Variants in EPHA6 observed in about 807,000 individuals in gnomAD.
EPHA6 encodes the protein ephrin type-A receptor 6.
EPHA6 carries 50 observed loss-of-function variants against 112.0 expected under a neutral mutation model. The ratio of observed to expected loss-of-function variants is 0.45; its 90% CI spans 0.36 to 0.56. EPHA6 has a LOEUF of 0.56. EPHA6 is among the 20% of genes least tolerant of loss of function. EPHA6 has a pLI of 0.00. For missense variants in EPHA6, 1,280 were observed against 1,417.4 expected, an observed-to-expected ratio of 0.90 and a Z score of 1.56; for synonymous variants, 529 against 490.7, an observed-to-expected ratio of 1.08 and a Z score of -1.03.
At chr3:97,327,178 A>G (rs1307179080) in intron 5 of EPHA6, among the ~76,000 whole-genome samples, 1 of 152,108 alleles carries the variant, frequency 6.6e-6, no homozygotes, top group Non-Finnish European at 1.5e-5. Context: ...AAATTACATT[A>G]TGAAATATAA....
intron 3 of EPHA6, among the ~76,000 whole-genome samples, chr3:97,119,414 G>T (rs2047981511): frequency 6.6e-6 from 1 of 151,986 alleles, no homozygotes; most frequent in African/African-American, 2.4e-5. Flanking sequence ...CTGGGCGCAG[G>T]TTGGTCAGGT....
chr3:97,034,595 A>G (rs2045011680), intron 3 of EPHA6, among the ~76,000 whole-genome samples: 1 of 151,748 alleles, frequency 6.6e-6, no homozygotes, highest in African/African-American at 2.4e-5. Context: ...AACATCAAGA[A>G]CTCAGTTGTG....
chr3:97,287,798 G>A (rs2080525949), intron 5 of EPHA6, among the ~76,000 whole-genome samples: 1 of 152,096 alleles, frequency 6.6e-6, no homozygotes. Context: ...ATGGGCTGTT[G>A]GATTCAGTTT....
intron 11 of EPHA6, among the ~76,000 whole-genome samples, chr3:97,588,865 A>G (rs1415967645): frequency 6.6e-6 from 1 of 152,128 alleles, no homozygotes; most frequent in African/African-American, 2.4e-5. Flanking sequence ...ACATGTGAAA[A>G]TTTCTTTCCT....
chr3:96,966,721 A>T (rs1412088544), intron 2 of EPHA6, among the ~76,000 whole-genome samples: 1 of 152,070 alleles, frequency 6.6e-6, no homozygotes, highest in Non-Finnish European at 1.5e-5. Context: ...ATTTATGCTG[A>T]CACAAGGAAA....
chr3:97,061,370 T>C (rs755452113), intron 3 of EPHA6, among the ~76,000 whole-genome samples: 77 of 152,312 alleles, frequency 5.1e-4, no homozygotes, highest in Non-Finnish European at 9.4e-4. Flanking sequence ...AAGGTGTTAC[T>C]GCCAGAGAAA....
intron 3 of EPHA6, among the ~76,000 whole-genome samples, chr3:97,082,826 A>G (rs2046768079): frequency 6.6e-6 from 1 of 151,918 alleles, no homozygotes; most frequent in Non-Finnish European, 1.5e-5. Context: ...AGTAAATACG[A>G]TTAAATATAT....
chr3:97,688,006 C>T (rs2032379034), intron 14 of EPHA6, among the ~76,000 whole-genome samples: 1 of 152,198 alleles, frequency 6.6e-6, no homozygotes, highest in South Asian at 2.1e-4. Flanking sequence ...CCAACCAAGT[C>T]TCCTGCCAAG....
At chr3:97,353,735 A>G (rs1052484815) in intron 5 of EPHA6, among the ~76,000 whole-genome samples, 1 of 152,138 alleles carries the variant, frequency 6.6e-6, no homozygotes, top group African/African-American at 2.4e-5. Context: ...GCCTGGCTGG[A>G]TTCACCATCT....
At chr3:97,723,830 G>C (rs1251728635) in intron 15 of EPHA6, among the ~76,000 whole-genome samples, 1 of 152,124 alleles carries the variant, frequency 6.6e-6, no homozygotes, top group Non-Finnish European at 1.5e-5. Context: ...TTGAAATTCT[G>C]TTTAGCTTCA....
intron 11 of EPHA6, among the ~76,000 whole-genome samples, chr3:97,533,614 T>C (rs1035162613): frequency 6.6e-6 from 1 of 152,066 alleles, no homozygotes; most frequent in African/African-American, 2.4e-5. Flanking sequence ...ATTCTGGGCT[T>C]TTCTATGTAA....
chr3:97,328,075 ATAT>A (rs2082569819), intron 5 of EPHA6, among the ~76,000 whole-genome samples: 1 of 146,214 alleles, frequency 6.8e-6, no homozygotes, highest in African/African-American at 2.5e-5. Flanking sequence ...ATATATATAT[ATAT>A]AACCTGTTTT....
chr3:97,073,232 G>A (rs1232142036), intron 3 of EPHA6, among the ~76,000 whole-genome samples: 1 of 152,090 alleles, frequency 6.6e-6, no homozygotes, highest in Non-Finnish European at 1.5e-5. Flanking sequence ...AGGAATCCAT[G>A]GGATCCAAAT....
intron 10 of EPHA6, among the ~76,000 whole-genome samples, chr3:97,531,823 A>G (rs1409268414): frequency 1.3e-5 from 2 of 152,060 alleles, no homozygotes; most frequent in Non-Finnish European, 2.9e-5. Flanking sequence ...GTGGCTTGTA[A>G]TGTAGCCTGT....
At chr3:96,995,917 G>T (rs2043403947) in intron 3 of EPHA6, among the ~76,000 whole-genome samples, 1 of 152,060 alleles carries the variant, frequency 6.6e-6, no homozygotes, top group South Asian at 2.1e-4. Context: ...ACACAACAAT[G>T]AAGTTAGCCA....
chr3:97,335,251 C>G (rs2083003547), intron 5 of EPHA6, among the ~76,000 whole-genome samples: 1 of 152,052 alleles, frequency 6.6e-6, no homozygotes, highest in African/African-American at 2.4e-5. Flanking sequence ...TTCTTTCTGT[C>G]TCTAGATATC....
At chr3:97,312,983 T>A (rs1350355521) in intron 5 of EPHA6, among the ~76,000 whole-genome samples, 2 of 151,472 alleles carry the variant, frequency 1.3e-5, no homozygotes, top group African/African-American at 4.8e-5. Context: ...GTGGTCACTA[T>A]GCTTAATAAT....
intron 3 of EPHA6, among the ~76,000 whole-genome samples, chr3:97,067,575 A>G (rs2046217250): frequency 6.6e-6 from 1 of 151,882 alleles, no homozygotes; most frequent in Non-Finnish European, 1.5e-5. Context: ...AAGCAATAGT[A>G]GGATAAAATA....
At chr3:97,234,668 G>C in intron 4 of EPHA6, among the ~76,000 whole-genome samples, 1 of 151,808 alleles carries the variant, frequency 6.6e-6, no homozygotes, top group East Asian at 1.9e-4. Context: ...TGATCATTTT[G>C]TTTATCACCA....
Sources: allele counts gnomAD v4.1 joint callset (sites outside exome capture counted in the v4.1 genomes callset), GRCh38; gene constraint gnomAD v4.1.1; transcripts MANE v1.5; gene names NCBI Gene and HGNC (gene_info 2026-07-23, HGNC 2026-07-21).